Variants in ANO8 observed in about 807,000 individuals in gnomAD.
The protein encoded by ANO8 is anoctamin-8.
In ANO8, 67 loss-of-function variants were observed where a neutral mutation model predicts 120.4. That is an observed-to-expected ratio of 0.56 (90% CI 0.46 to 0.68). The LOEUF is 0.68. ANO8 is among the 30% of genes least tolerant of loss of function. The pLI, the probability that ANO8 is intolerant of heterozygous loss-of-function variation, is 0.00. For synonymous variants in ANO8, 727 were observed against 759.2 expected, an observed-to-expected ratio of 0.96 and a Z score of 0.70; for missense variants, 1,526 against 1,737.6, an observed-to-expected ratio of 0.88 and a Z score of 2.16.
At chr19:17,328,004 A>G (rs1301969473) in intron 13 of ANO8, 124 bp from the exon 14 acceptor site, 37 of 1,416,744 alleles carry the variant, frequency 2.6e-5, no homozygotes, top group Non-Finnish European at 3.5e-5. Context: ...CAGCCAGCCC[A>G]GAGGCTTCCT....
chr19:17,331,931 C>CT (rs71180396), intron 5 of ANO8, among the ~76,000 whole-genome samples: 2,375 of 78,568 alleles, frequency 0.03, 106 homozygotes, highest in Non-Finnish European at 0.036. Context: ...CCGCGCCCGG[C>CT]TTTTTTTTTT....
chr19:17,328,548 G>C lies in ANO8; in HGVS notation c.1840C>G (p.Leu614Val). The change falls in exon 13 of 18, where the codon CTG (leucine) becomes GTG (valine). Residue 614 changes from leucine (L) to valine (V), a missense_variant. Leu to Val is a conservative substitution (Grantham distance 32, BLOSUM62 1). Coordinates refer to ENST00000159087, the MANE Select transcript of ANO8 (RefSeq NM_020959.3). ...CGCTCAGCGAAGCTGACCTTCTTCA[G>C]CCGGAGCCCGCAGTCCAGGAGGCCC... is the stretch of plus-strand genomic sequence containing the variant. ...EGGLLDCGLR[L>V]KKVSFAERGA... 3 of 1,548,380 alleles carry C rather than the reference G, an allele frequency of 1.9e-6. No individual in the cohort carries two copies. The highest frequency in any genetic ancestry group is 2.6e-6 in the Non-Finnish European group (3 of 1,147,258).
At position 17,323,527 on chromosome 19, in the gene ANO8, C is replaced by G; in HGVS notation, c.3689G>C (p.Gly1230Ala). 7.7e-7 allele frequency: 1 copy of G among 1,293,290 alleles called. No individual in the cohort carries two copies. The highest frequency in any genetic ancestry group is 1.5e-5 in the African/African-American group (1 of 66,246). 80.1% of individuals were successfully genotyped at this position (1,293,290 alleles called of 1,614,324 possible). The part of the protein sequence containing the change: ...PSPQAVCWPS[G>A]WH ...GCAGGGCGGGTAGAGCTAATGCCAGCCGCTGGGCCAGCACACGGCCTGGGG... is the reference window on the plus strand; with the variant it reads ...GCAGGGCGGGTAGAGCTAATGCCAGGCGCTGGGCCAGCACACGGCCTGGGG... The change falls in exon 18 of 18, where the codon GGC becomes GCC. Residue 1230 changes from glycine to alanine, a missense_variant. Coordinates refer to ENST00000159087, the MANE Select transcript of ANO8 (RefSeq NM_020959.3).
Position 17,323,311 on chromosome 19 carries a change from C to CTGTGTGTGTG in ANO8, c.*196_*205dup, listed in dbSNP as rs58263758. The CTGTGTGTGTG allele has an allele frequency of 0.061, 19,712 of 325,658 alleles. 439 individuals carry two copies. The highest frequency in any genetic ancestry group is 0.071 in the Non-Finnish European group (12,791 of 179,114). The allele number at this position is 325,658 out of a possible 1,614,324, so 20.2% of individuals were successfully genotyped here. ...AAAAACAAATAAATAATCGCCTGTT[C>CTGTGTGTGTG]TGTGTGTGTGTGTGTGTGTGTGTGT... On this transcript the variant is annotated 3_prime_UTR_variant, in exon 18 of 18. Coordinates refer to ENST00000159087, the MANE Select transcript of ANO8 (RefSeq NM_020959.3).
intron 5 of ANO8, 103 bp downstream of exon 5, chr19:17,332,827 G>T: frequency 7.6e-7 from 1 of 1,317,396 alleles, no homozygotes; most frequent in Non-Finnish European, 1.1e-6. Context: ...GCCAACCCCT[G>T]ACTGGTTGGA....
intron 12 of ANO8, 139 bp downstream of exon 12, chr19:17,329,618 C>T (rs2074301995): frequency 1.5e-6 from 1 of 666,060 alleles, no homozygotes; most frequent in Admixed American, 2.7e-5. Context: ...AGACGACGGA[C>T]AACGGACGGA....
chr19:17,329,889 T>A, intron 11 of ANO8, 58 bp from the exon 12 acceptor site: 1 of 1,613,740 alleles, frequency 6.2e-7, no homozygotes, highest in Non-Finnish European at 8.5e-7. Flanking sequence ...CCTTGGAGCC[T>A]TCCTTGTGCC....
At chr19:17,326,422 G>A (rs2145684642) in intron 16 of ANO8, among the ~76,000 whole-genome samples, 1 of 152,218 alleles carries the variant, frequency 6.6e-6, no homozygotes, top group Non-Finnish European at 1.5e-5. Context: ...CTTAAACCTG[G>A]GAGGTGGAGA....
chr19:17,330,050 G>A (rs201880874), intron 10 of ANO8, 36 bp from the exon 11 acceptor site: 2 of 1,613,880 alleles, frequency 1.2e-6, no homozygotes, highest in Non-Finnish European at 1.7e-6. Context: ...GGGCAGCCGC[G>A]GTCCCCCCAA....
rs1381139183 is a variant in ANO8, at chr19:17,327,535, A to G, written c.2453T>C (p.Val818Ala). The G allele has an allele frequency of 6.2e-7, 1 of 1,613,292 alleles. No homozygotes were observed. The highest frequency in any genetic ancestry group is 1.3e-5 in the African/African-American group (1 of 74,894). ...VMEAMGVLAIVVNCYLIGQCG... is the reference protein window; with the variant it reads ...VMEAMGVLAIAVNCYLIGQCG... ...CTGGCCGATTAAGTAGCAGTTGACCACAATCGCTAGGACACCCATGGCCTC... is the reference window on the plus strand; with the variant it reads ...CTGGCCGATTAAGTAGCAGTTGACCGCAATCGCTAGGACACCCATGGCCTC... Residue 818 changes from valine (V) to alanine (A), a missense_variant, in exon 15 of 18, where the codon GTG becomes GCG. Transcript: ENST00000159087.
intron 13 of ANO8, 126 bp downstream of exon 13, chr19:17,328,036 T>C (rs1224874235): frequency 1.5e-6 from 2 of 1,351,982 alleles, no homozygotes; most frequent in East Asian, 5.0e-5. Flanking sequence ...GGCCTTCCTC[T>C]CCTGCAGCAT....
intron 17 of ANO8, 103 bp downstream of exon 17, chr19:17,324,614 C>T (rs549497082): frequency 6.1e-6 from 9 of 1,485,114 alleles, no homozygotes; most frequent in East Asian, 4.7e-5. Flanking sequence ...GACCTAAGAC[C>T]GGGCTTCCCC....
chr19:17,330,593 C>G, intron 8 of ANO8, 89 bp from the exon 9 acceptor site: 1 of 1,443,120 alleles, frequency 6.9e-7, no homozygotes, highest in Non-Finnish European at 9.1e-7. Flanking sequence ...AACTCAATTT[C>G]CCTCCATCAT....
Position 17,325,048 on chromosome 19 carries a change from TGCA to T in ANO8, c.2997_2999del (p.Ala1000del). 1 of 1,613,048 alleles carries T rather than the reference TGCA, an allele frequency of 6.2e-7. No homozygotes were observed. Reference sequence around the variant, plus strand: ...GAGGCCGGGTGGTGGCTCCGGCCCCTGCAGCAGCCAGTGAGGATGTGGCCCCTG... The same window carrying T: ...GAGGCCGGGTGGTGGCTCCGGCCCCTGCAGCCAGTGAGGATGTGGCCCCTG... On this transcript the variant is annotated inframe_deletion, in exon 17 of 18. Transcript: ENST00000159087.
chr19:17,332,170 C>T (rs759211694), intron 5 of ANO8, among the ~76,000 whole-genome samples: 32 of 140,802 alleles, frequency 2.3e-4, no homozygotes, highest in Non-Finnish European at 4.5e-4. Context: ...CTCCTGACCT[C>T]GTGATACGCC....
chr19:17,333,350 G>C lies in ANO8; in HGVS notation c.350+72C>G, dbSNP rs893682146. 3.1e-6 allele frequency: 5 copies of C among 1,609,834 alleles called. No individual in the cohort carries two copies. Among genetic ancestry groups the C allele is most frequent in the Admixed American group, 1.7e-5 (1 of 59,958 alleles). The stretch of plus-strand genomic sequence containing the variant: ...GGGACAAACGCAGGGCGGCTGGATA[G>C]CATGGTTGGCACTTGGTAGAGCGGG... On this transcript the variant is annotated intron_variant, in intron 3 of 17. Coordinates refer to ENST00000159087, the MANE Select transcript of ANO8 (RefSeq NM_020959.3). This position sits in a 1 kb window ranked among gnomAD's most constrained non-coding sequence, Gnocchi z 7.2.
Position 17,328,635 on chromosome 19 carries a change from C to A in ANO8, c.1753G>T (p.Glu585Ter). The A allele has an allele frequency of 6.5e-7, 1 of 1,529,046 alleles. No individual in the cohort carries two copies. The highest frequency in any genetic ancestry group is 8.8e-7 in the Non-Finnish European group (1 of 1,135,524). 94.7% of individuals were successfully genotyped at this position (1,529,046 alleles called of 1,614,324 possible). ...DGPPGGKEED[E>*]DDEEEEDEEE... ...TCGTCCTCCTCCTCCTCGTCGTCCT[C>A]GTCCTCCTCCTTGCCCCCTGGAGGC... Residue 585 changes from glutamate to a stop codon, truncating the protein, a stop_gained, in exon 13 of 18, where the codon GAG becomes TAG. Transcript: ENST00000159087. LOFTEE classifies it high-confidence loss of function.
At chr19:17,332,602 C>T (rs1239083746) in intron 5 of ANO8, among the ~76,000 whole-genome samples, 2 of 152,142 alleles carry the variant, frequency 1.3e-5, no homozygotes, top group Non-Finnish European at 2.9e-5. Flanking sequence ...CTCTCCTGGA[C>T]CCACCTCCCA....
chr19:17,325,667 C>T (rs2074269717), intron 16 of ANO8, among the ~76,000 whole-genome samples: 2 of 152,346 alleles, frequency 1.3e-5, no homozygotes, highest in South Asian at 4.1e-4. Flanking sequence ...GTGGCTTGCG[C>T]CTGTAATCCC....
Sources: gnomAD v4.1 joint callset for allele counts (sites outside exome capture counted in the v4.1 genomes callset) on GRCh38, gnomAD v4.1.1 for gene constraint, Gnocchi (gnomAD v3.1) non-coding constraint, MANE v1.5 for transcripts, NCBI Gene and HGNC (gene_info 2026-07-23, HGNC 2026-07-21) for gene names.